The following EXOC6B variants were observed in gnomAD, a reference collection of about 807,000 sequenced individuals.
EXOC6B encodes SEC15 homolog B.
EXOC6B carries 54 observed loss-of-function variants against 113.5 expected under a neutral mutation model. The ratio of observed to expected loss-of-function variants is 0.48; its 90% CI spans 0.38 to 0.60. The LOEUF (loss-of-function observed/expected upper bound fraction) is 0.60, where lower values mean the gene tolerates loss of function less well. Among genes scored for constraint, EXOC6B ranks in the 20% least tolerant of loss-of-function variants. EXOC6B has a pLI of 0.00. For missense variants in EXOC6B, 797 were observed against 977.5 expected, an observed-to-expected ratio of 0.82 and a Z score of 2.46; for synonymous variants, 357 against 339.0, an observed-to-expected ratio of 1.05 and a Z score of -0.58.
chr2:72,570,594 G>A (rs1383206381), intron 7 of EXOC6B, among the ~76,000 whole-genome samples: 1 of 152,126 alleles, frequency 6.6e-6, no homozygotes, highest in Non-Finnish European at 1.5e-5. Flanking sequence ...TGGTGTGGAT[G>A]ACATGGTTAC....
intron 20 of EXOC6B, among the ~76,000 whole-genome samples, chr2:72,331,282 A>G (rs974273034): frequency 6.6e-6 from 1 of 152,164 alleles, no homozygotes; most frequent in Admixed American, 6.6e-5. Context: ...ATTTGTACAC[A>G]GTAGGCACTT....
chr2:72,737,981 CTG>C (rs892695146), intron 2 of EXOC6B, among the ~76,000 whole-genome samples: 1 of 152,060 alleles, frequency 6.6e-6, no homozygotes, highest in African/African-American at 2.4e-5. Context: ...TCCTAATACT[CTG>C]TATTTTATTT....
intron 5 of EXOC6B, among the ~76,000 whole-genome samples, chr2:72,721,192 G>T (rs1679977452): frequency 6.6e-6 from 1 of 151,712 alleles, no homozygotes; most frequent in African/African-American, 2.4e-5. Context: ...AGTCGGGCAT[G>T]TTGGTGGGAG....
chr2:72,566,431 T>C (rs1393987986), intron 7 of EXOC6B, among the ~76,000 whole-genome samples: 1 of 152,140 alleles, frequency 6.6e-6, no homozygotes, highest in Non-Finnish European at 1.5e-5. Flanking sequence ...CTTCATGCAT[T>C]GAAGGACATT....
intron 1 of EXOC6B, among the ~76,000 whole-genome samples, chr2:72,821,512 T>C (rs1399872970): frequency 6.6e-6 from 1 of 151,950 alleles, no homozygotes; most frequent in East Asian, 1.9e-4. Context: ...CTACAAAAAC[T>C]AGTATACAAA....
rs1199869463 is a variant in EXOC6B, at chr2:72,658,240, T to A, written c.669+59863A>T. Among the ~76,000 whole-genome samples, 5 of 42,856 alleles carry A rather than the reference T, an allele frequency of 1.2e-4. 1 individual carries two copies. The allele number at this position is 42,856 out of a possible 152,430, so 28.1% of individuals were successfully genotyped here. The stretch of plus-strand genomic sequence containing the variant: ...AACAGGAAAGGAAAGAAATCAAAGA[T>A]AATTACATACTATATAAAAACTAGG... On this transcript the variant is annotated intron_variant, in intron 6 of 21. Transcript: ENST00000272427.
chr2:72,377,512 T>C (rs1411125836), intron 19 of EXOC6B, among the ~76,000 whole-genome samples: 2 of 152,170 alleles, frequency 1.3e-5, no homozygotes, highest in Non-Finnish European at 2.9e-5. Context: ...CAATAAAATA[T>C]GGAATATTAT....
At chr2:72,755,562 G>C (rs1443271779) in intron 1 of EXOC6B, among the ~76,000 whole-genome samples, 1 of 152,138 alleles carries the variant, frequency 6.6e-6, no homozygotes, top group East Asian at 1.9e-4. Flanking sequence ...TTACCAAAAA[G>C]TTAATTCAAG....
intron 1 of EXOC6B, among the ~76,000 whole-genome samples, chr2:72,781,029 A>C (rs1179181587): frequency 6.6e-6 from 1 of 152,178 alleles, no homozygotes; most frequent in East Asian, 1.9e-4. Context: ...TGCTCCTATT[A>C]ATATAACCAT....
rs898302758 is a variant in EXOC6B at position 72,767,208 on chromosome 2, T to A, written c.114-25739A>T. 4.1e-4 allele frequency among the ~76,000 whole-genome samples: 62 copies of A among 151,952 alleles called. 1 individual carries two copies. Among genetic ancestry groups the A allele is most frequent in the Non-Finnish European group, 1.3e-4 (9 of 67,986 alleles). ...ACTTTGGAAGGCCGAGGCGGGTGTA[T>A]CACCTGAGGTTAGGAGTTCGAGACA... is the stretch of plus-strand genomic sequence containing the variant. On this transcript the variant is annotated intron_variant, in intron 1 of 21. Transcript: ENST00000272427.
intron 6 of EXOC6B, among the ~76,000 whole-genome samples, chr2:72,590,339 T>G (rs574338460): frequency 1.3e-4 from 20 of 151,972 alleles, no homozygotes; most frequent in African/African-American, 4.3e-4. Context: ...AGAAAAGTTA[T>G]AAAAATGAAA....
At chr2:72,709,079 T>A (rs13416510) in intron 6 of EXOC6B, among the ~76,000 whole-genome samples, 1 of 151,336 alleles carries the variant, frequency 6.6e-6, no homozygotes, top group African/African-American at 2.4e-5. Flanking sequence ...TACTTTAGGG[T>A]TATTTGCTAA....
chr2:72,820,225 A>G (rs1352416348), intron 1 of EXOC6B, among the ~76,000 whole-genome samples: 1 of 152,204 alleles, frequency 6.6e-6, no homozygotes, highest in African/African-American at 2.4e-5. Flanking sequence ...ACAGAAAATT[A>G]TTCCTACACC....
chr2:72,233,631 C>T (rs144062882), intron 20 of EXOC6B, among the ~76,000 whole-genome samples: 1 of 152,294 alleles, frequency 6.6e-6, no homozygotes, highest in Non-Finnish European at 1.5e-5. Flanking sequence ...CCTCTACAAG[C>T]CTTAGGTCCT....
chr2:72,762,242 C>CAAA (rs557776288), intron 1 of EXOC6B, among the ~76,000 whole-genome samples: 2 of 61,254 alleles, frequency 3.3e-5, no homozygotes, highest in Non-Finnish European at 6.6e-5. Context: ...GACTCCGTCT[C>CAAA]AAAAAAAAAA....
intron 6 of EXOC6B, among the ~76,000 whole-genome samples, chr2:72,714,208 G>A (rs1393073182): frequency 1.3e-5 from 2 of 152,186 alleles, no homozygotes; most frequent in Non-Finnish European, 1.5e-5. Context: ...ACAGAAACAG[G>A]TGTTGGAAAT....
chr2:72,751,815 T>A (rs988686892), intron 1 of EXOC6B, among the ~76,000 whole-genome samples: 3 of 152,040 alleles, frequency 2.0e-5, no homozygotes, highest in Non-Finnish European at 4.4e-5. Context: ...AAAATTTTTT[T>A]AAAATAGTTG....
At chr2:72,732,956 T>C (rs1003447665) in intron 3 of EXOC6B, 115 bp downstream of exon 3, 15 of 755,642 alleles carry the variant, frequency 2.0e-5, no homozygotes, top group Admixed American at 4.6e-5. Context: ...AACAATAATG[T>C]CCAAGTACTT....
chr2:72,712,204 T>A (rs1386980901), intron 6 of EXOC6B, among the ~76,000 whole-genome samples: 1 of 151,984 alleles, frequency 6.6e-6, no homozygotes, highest in Non-Finnish European at 1.5e-5. Context: ...AGGCAATATA[T>A]CAATGTACAA....
Sources: gnomAD v4.1 joint callset for allele counts (sites outside exome capture counted in the v4.1 genomes callset) on GRCh38, gnomAD v4.1.1 for gene constraint, MANE v1.5 for transcripts, NCBI Gene and HGNC (gene_info 2026-07-23, HGNC 2026-07-21) for gene names.